Variants in DST observed in about 807,000 individuals in gnomAD.
DST encodes the protein bullous pemphigoid antigen.
A neutral mutation model predicts 875.2 loss-of-function variants in DST; 253 were observed. That is an observed-to-expected ratio of 0.29 (90% CI 0.26 to 0.32). The LOEUF is 0.32. Among genes scored for constraint, DST ranks in the 10% least tolerant of loss-of-function variants. The pLI is 1.00. For synonymous variants in DST, 3,124 were observed against 3,197.1 expected (o/e 0.98, Z 0.77); for missense variants, 8,287 against 9,111.6 (o/e 0.91, Z 3.68).
At chr6:56,904,307 C>T (rs1031531148) in intron 2 of DST, among the ~76,000 whole-genome samples, 3 of 152,158 alleles carry the variant, frequency 2.0e-5, no homozygotes, top group Admixed American at 6.5e-5. Context: ...TGTTACTCTC[C>T]AGTGAGTCAA....
chr6:56,952,876 C>G (rs946118321), intron 2 of DST, among the ~76,000 whole-genome samples: 1 of 152,184 alleles, frequency 6.6e-6, no homozygotes, highest in Non-Finnish European at 1.5e-5. Flanking sequence ...TAGAATTACT[C>G]TTTGTGCAAC....
At chr6:56,519,312 G>GA (rs1321525621) in intron 69 of DST, among the ~76,000 whole-genome samples, 1 of 152,176 alleles carries the variant, frequency 6.6e-6, no homozygotes, top group Non-Finnish European at 1.5e-5. Flanking sequence ...AAACACTACA[G>GA]AAAAAATGGT....
intron 4 of DST, among the ~76,000 whole-genome samples, chr6:56,808,267 CAACT>C (rs2099755576): frequency 6.6e-6 from 1 of 150,848 alleles, no homozygotes; most frequent in Non-Finnish European, 1.5e-5. Flanking sequence ...AAAAAAAAAC[CAACT>C]GAGATTGTCC....
At chr6:56,635,073 T>G in intron 24 of DST, 120 bp from the exon 25 acceptor site, 1 of 763,460 alleles carries the variant, frequency 1.3e-6, no homozygotes. Context: ...TAGTCTAAAT[T>G]TTCAATCTTT....
In DST at chr6:56,608,867, T is replaced by C. The variant is rs1407028753; in HGVS notation, c.5761A>G (p.Ile1921Val). 1.2e-6 allele frequency: 2 copies of C among 1,613,440 alleles called. No individual in the cohort carries two copies. Among genetic ancestry groups the C allele is most frequent in the Admixed American group, 3.3e-5 (2 of 59,868 alleles). ...ACCTTCTCAGAGGTGCAGGGGTCAA[T>C]AAGATCTTTGCACATATTTTGCCTT... is the stretch of plus-strand genomic sequence containing the variant. Reference protein sequence around the residue: ...LERQNMCKDLIDPCTSEKVSL... With the variant: ...LERQNMCKDLVDPCTSEKVSL... Residue 1921 changes from isoleucine (I) to valine (V), a missense_variant, in exon 40 of 104, where the codon ATT becomes GTT. By Grantham distance (29) the Ile-to-Val change is conservative (BLOSUM62 3). This residue lies in a region of DST where 3,138 missense variants were observed against 3,116.6 expected (regional missense o/e 1.01). Transcript: ENST00000680361.
chr6:56,780,468 G>A (rs2099690842), intron 4 of DST, among the ~76,000 whole-genome samples: 2 of 151,438 alleles, frequency 1.3e-5, no homozygotes, highest in South Asian at 4.2e-4. Context: ...GCATTTCTCT[G>A]ATGGCCAGTG....
At chr6:56,569,789 C>A in intron 54 of DST, 67 bp downstream of exon 54, 1 of 1,399,434 alleles carries the variant, frequency 7.1e-7, no homozygotes, top group Non-Finnish European at 9.9e-7. Context: ...AAGAAAACTA[C>A]CATTAGTCTT....
At chr6:56,938,956 A>G (rs1326161887) in intron 2 of DST, among the ~76,000 whole-genome samples, 2 of 152,338 alleles carry the variant, frequency 1.3e-5, no homozygotes, top group East Asian at 3.9e-4. Context: ...TCACCAACCC[A>G]CGGAATTGTG....
intron 9 of DST, among the ~76,000 whole-genome samples, chr6:56,693,741 CA>C (rs1224451668): frequency 6.6e-6 from 1 of 151,832 alleles, no homozygotes; most frequent in Admixed American, 6.6e-5. Flanking sequence ...ACAAACACAT[CA>C]AAAGCTCAAA....
Position 56,553,255 on chromosome 6 carries a change from C to T in DST, c.15537G>A (p.Trp5179Ter). 6.2e-7 allele frequency: 1 copy of T among 1,613,682 alleles called. No homozygotes were observed. Among genetic ancestry groups the T allele is most frequent in the Non-Finnish European group, 8.5e-7 (1 of 1,179,904 alleles). Residue 5179 changes from tryptophan to a stop codon, truncating the protein, a stop_gained, in exon 61 of 104, where the codon TGG becomes TGA. Transcript: ENST00000680361. LOFTEE classifies it high-confidence loss of function. ...TGTTTTGGCATTTGTCTATCCATGG[C>T]CAGAGAGTCTCTACTTGCTCTTTAT... ...LKYKEQVETL[W>*]PWIDKCQNNL... is the part of the protein sequence containing the mutation.
In DST at chr6:56,459,022, T is replaced by G; in HGVS notation, c.23440A>C (p.Lys7814Gln). The G allele has an allele frequency of 6.2e-7, 1 of 1,611,754 alleles. No homozygotes were observed. The highest frequency in any genetic ancestry group is 8.5e-7 in the Non-Finnish European group (1 of 1,178,270). The change falls in exon 104 of 104, where the codon AAG becomes CAG. Residue 7814 changes from lysine to glutamine, a missense_variant. Lys to Gln is a moderately conservative substitution (Grantham distance 53, BLOSUM62 1). Around this residue, in one of 10 missense-constraint regions of DST, gnomAD observed 240 missense variants for 237.3 expected, o/e 1.01. Coordinates refer to ENST00000680361, the MANE Select transcript of DST (RefSeq NM_001374736.1). ...QRKSPASKLD[K>Q]SSKR ...CAATTGCACTATCTCTTTGAGGACT[T>G]GTCCAATTTGCTGGCAGGTGATTTC...
chr6:56,897,709 C>T (rs1247435016), intron 3 of DST, among the ~76,000 whole-genome samples: 1 of 152,094 alleles, frequency 6.6e-6, no homozygotes, highest in Non-Finnish European at 1.5e-5. Flanking sequence ...TTGCTCAGTC[C>T]CTGGGAGACT....
chr6:56,831,402 G>C (rs1271506495), intron 4 of DST, among the ~76,000 whole-genome samples: 1 of 152,152 alleles, frequency 6.6e-6, no homozygotes, highest in Non-Finnish European at 1.5e-5. Flanking sequence ...AGGTCAGATT[G>C]TCCAAATGAC....
intron 22 of DST, chr6:56,638,988 A>T (rs1185434008): frequency 2.0e-6 from 1 of 502,308 alleles, no homozygotes; most frequent in Non-Finnish European, 3.6e-6. Context: ...ATAATATGGC[A>T]ATGCTTACAC....
intron 80 of DST, 134 bp from the exon 81 acceptor site, chr6:56,498,187 T>G: frequency 1.1e-6 from 1 of 872,574 alleles, no homozygotes; most frequent in South Asian, 1.9e-5. Flanking sequence ...TTAATTTTTT[T>G]TAAAGAGATG....
intron 49 of DST, among the ~76,000 whole-genome samples, chr6:56,582,920 T>A (rs928451506): frequency 1.4e-4 from 22 of 152,090 alleles, no homozygotes; most frequent in South Asian, 6.2e-4. Context: ...ACAAAGGACA[T>A]GAACTCATCA....
rs1211658580 is a variant in DST at position 56,598,719 on chromosome 6, C to A, written c.11695-10G>T. On this transcript the variant is annotated splice_polypyrimidine_tract_variant and intron_variant, in intron 45 of 103. Transcript: ENST00000680361. ...TATCTTTCTGTAATTCCTTATAACA[C>A]AAAAGGAAAAAATATATTTTATTAA... 7 of 1,471,822 alleles carry A rather than the reference C, an allele frequency of 4.8e-6. No homozygotes were observed. The Admixed American group carries it at 6.4e-5, about 13-fold the overall frequency. The allele number at this position is 1,471,822 out of a possible 1,614,324, so 91.2% of individuals were successfully genotyped here.
At position 56,572,981 on chromosome 6, in the gene DST, A is replaced by T; in HGVS notation, c.13320T>A (p.Asp4440Glu). 6.2e-7 allele frequency: 1 copy of T among 1,610,048 alleles called. No individual in the cohort carries two copies. Among genetic ancestry groups the T allele is most frequent in the African/African-American group, 1.3e-5 (1 of 74,892 alleles). The part of the protein sequence containing the change: ...EKVKKFMETT[D>E]PSTASSLQAK... ...CTTGCAGTGAGGATGCAGTGGATGG[A>T]TCTGTTGTTTCCATAAATTTCTTCA... Residue 4440 changes from aspartate (D) to glutamate (E), a missense_variant, in exon 52 of 104, where the codon GAT becomes GAA. By Grantham distance (45) the Asp-to-Glu change is conservative. Transcript: ENST00000680361.
intron 4 of DST, 121 bp downstream of exon 4, chr6:56,851,276 C>G: frequency 6.7e-6 from 6 of 890,414 alleles, no homozygotes; most frequent in Non-Finnish European, 1.0e-5. Flanking sequence ...TCATCCTCCC[C>G]CACCTTGAGC....
Sources: allele counts gnomAD v4.1 joint callset (sites outside exome capture counted in the v4.1 genomes callset), GRCh38; gene constraint gnomAD v4.1.1; regional missense constraint gnomAD v4.1.1; transcripts MANE v1.5; gene names NCBI Gene and HGNC (gene_info 2026-07-23, HGNC 2026-07-21).